Variants in ABCA12 observed in about 807,000 individuals in gnomAD.
The protein encoded by ABCA12 is glucosylceramide transporter ABCA12.
In ABCA12, 156 loss-of-function variants were observed where a neutral mutation model predicts 293.5. That is an observed-to-expected ratio of 0.53 (90% CI 0.47 to 0.61). ABCA12 has a LOEUF of 0.61. ABCA12 is among the 20% of genes least tolerant of loss of function. The probability of loss-of-function intolerance (pLI) is 0.00; values close to 1 mark genes in which losing one functional copy is unlikely to be tolerated. For synonymous variants in ABCA12, 1,063 were observed against 1,108.0 expected, an observed-to-expected ratio of 0.96 and a Z score of 0.81; for missense variants, 2,797 against 3,090.2, an observed-to-expected ratio of 0.91 and a Z score of 2.25.
intron 2 of ABCA12, chr2:215,085,623 C>A (rs1575034082): frequency 6.6e-6 from 1 of 152,204 alleles, no homozygotes; most frequent in Admixed American, 6.5e-5. Flanking sequence ...ATACATGTAA[C>A]AATTCTGCCT....
At chr2:215,086,222 A>C (rs774305140) in intron 2 of ABCA12, among the ~76,000 whole-genome samples, 13 of 152,226 alleles carry the variant, frequency 8.5e-5, no homozygotes, top group Non-Finnish European at 1.6e-4. Flanking sequence ...TACATTAGTC[A>C]ATTTTAACCT....
chr2:214,942,763 A>G (rs1361595329), intron 50 of ABCA12, among the ~76,000 whole-genome samples, 162 bp downstream of exon 50: 3 of 152,220 alleles, frequency 2.0e-5, no homozygotes, highest in African/African-American at 7.2e-5. Flanking sequence ...AATCCCCAAT[A>G]AAATAATTTA....
chr2:214,992,338 G>A (rs1318149032), intron 23 of ABCA12, among the ~76,000 whole-genome samples: 2 of 151,108 alleles, frequency 1.3e-5, no homozygotes, highest in South Asian at 2.1e-4. Context: ...AGCTACTCAG[G>A]AGGCTGAGGC....
chr2:215,081,490 AAAG>A, intron 2 of ABCA12, among the ~76,000 whole-genome samples: 3 of 100,300 alleles, frequency 3.0e-5, no homozygotes, highest in African/African-American at 1.4e-4. Flanking sequence ...AAAAAAAAAA[AAAG>A]AAAAAGAAAA....
intron 41 of ABCA12, 21 bp from the exon 42 acceptor site, chr2:214,956,799 A>C: frequency 6.6e-7 from 1 of 1,508,588 alleles, no homozygotes; most frequent in Non-Finnish European, 9.2e-7. Context: ...ATTCAAAACA[A>C]TGTTTAATAC....
intron 2 of ABCA12, chr2:215,075,681 C>A: frequency 1.6e-6 from 1 of 616,036 alleles, no homozygotes; most frequent in Non-Finnish European, 2.9e-6. Flanking sequence ...GTTTGGAAAT[C>A]AAAATATAAT....
At chr2:215,013,843 G>C (rs1355307473) in intron 15 of ABCA12, among the ~76,000 whole-genome samples, 7 of 152,176 alleles carry the variant, frequency 4.6e-5, no homozygotes, top group Admixed American at 4.6e-4. Flanking sequence ...TGAACAAAGA[G>C]GCCCTTGTGG....
At chr2:214,959,702 T>C (rs186646187) in intron 39 of ABCA12, among the ~76,000 whole-genome samples, 142 of 152,250 alleles carry the variant, frequency 9.3e-4, no homozygotes, top group African/African-American at 3.1e-3. Context: ...TTCAGAGATA[T>C]TAGCTGGCTT....
intron 45 of ABCA12, among the ~76,000 whole-genome samples, chr2:214,949,747 G>A (rs956554730): frequency 2.6e-5 from 4 of 152,084 alleles, no homozygotes; most frequent in African/African-American, 9.7e-5. Flanking sequence ...TCTTTATGAT[G>A]TTTTTTGGGG....
chr2:215,109,654 G>T (rs949774055), intron 2 of ABCA12, among the ~76,000 whole-genome samples: 16 of 152,090 alleles, frequency 1.1e-4, no homozygotes, highest in Admixed American at 6.5e-4. Context: ...GGCCTAAGAG[G>T]CACATATCAC....
intron 51 of ABCA12, among the ~76,000 whole-genome samples, chr2:214,936,938 G>GAAAA (rs10656386): frequency 0.027 from 4,021 of 147,740 alleles, 199 homozygotes; most frequent in African/African-American, 0.094. Flanking sequence ...CCTTTGTGAG[G>GAAAA]AAAAAAAAAA....
chr2:215,037,288 A>C lies in ABCA12; in HGVS notation c.873-223T>G, dbSNP rs1392057370. On this transcript the variant is annotated intron_variant, in intron 7 of 52. Coordinates refer to ENST00000272895, the MANE Select transcript of ABCA12 (RefSeq NM_173076.3). ...GCAGTTTATGTTTCTAGGTTTCTAA[A>C]ACATCAGGAATCACCAGCCTTAAAG... Among the ~76,000 whole-genome samples, 3 of 152,208 alleles carry C rather than the reference A, an allele frequency of 2.0e-5. No individual in the cohort carries two copies. The East Asian group carries it at 5.8e-4, about 29-fold the overall frequency.
Position 214,971,545 on chromosome 2 carries a change from G to A in ABCA12, c.5563-1145C>T, listed in dbSNP as rs111648831. Among the ~76,000 whole-genome samples, 896 of 152,130 alleles carry A rather than the reference G, an allele frequency of 5.9e-3. 4 individuals carry two copies. Among genetic ancestry groups the A allele is most frequent in the Non-Finnish European group, 9.4e-3 (641 of 68,010 alleles). On this transcript the variant is annotated intron_variant, in intron 36 of 52. Transcript: ENST00000272895. The stretch of plus-strand genomic sequence containing the variant: ...TCACTCCCAAAGTAACAGACACAGC[G>A]TAGTTTTGCCTATTTTTATATTTTA...
At chr2:215,048,635 G>A (rs950666044) in intron 6 of ABCA12, among the ~76,000 whole-genome samples, 5 of 152,092 alleles carry the variant, frequency 3.3e-5, no homozygotes, top group South Asian at 2.1e-4. Flanking sequence ...CCCAGGAGGC[G>A]GAGGTTTCAG....
At chr2:214,941,997 T>C (rs1341938267) in intron 50 of ABCA12, among the ~76,000 whole-genome samples, 1 of 152,190 alleles carries the variant, frequency 6.6e-6, no homozygotes, top group African/African-American at 2.4e-5. Flanking sequence ...GATCCTGTCA[T>C]TATGACGCTA....
chr2:215,045,971 T>C lies in ABCA12; in HGVS notation c.738A>G (p.Ile246Met). ...GTGAGAAGAAAGACAGCATTCTGAC[T>C]ATTTCCTGAAACACTATCTTCTGAT... ...PNNQKIVFQE[I>M]VRMLSFFSQV... The change falls in exon 7 of 53, where the codon ATA (isoleucine) becomes ATG (methionine). Residue 246 changes from isoleucine (I) to methionine (M), a missense_variant. By Grantham distance (10) the Ile-to-Met change is conservative (BLOSUM62 1). This residue lies in a region of ABCA12 where 656 missense variants were observed against 638.2 expected (regional missense o/e 1.03). Transcript: ENST00000272895. 6.2e-7 allele frequency: 1 copy of C among 1,613,764 alleles called. No individual in the cohort carries two copies. The highest frequency in any genetic ancestry group is 1.1e-5 in the South Asian group (1 of 91,066).
intron 19 of ABCA12, among the ~76,000 whole-genome samples, chr2:215,006,113 TA>T (rs1700247884): frequency 6.6e-6 from 1 of 152,218 alleles, no homozygotes; most frequent in African/African-American, 2.4e-5. Context: ...ATGATCCCTT[TA>T]TGAACACAAT....
At chr2:214,948,792 G>C (rs554702915) in intron 46 of ABCA12, 55 bp from the exon 47 acceptor site, 5 of 1,608,676 alleles carry the variant, frequency 3.1e-6, no homozygotes, top group Non-Finnish European at 3.4e-6. Context: ...ATCCCTCCTG[G>C]TTCCCAAATG....
intron 27 of ABCA12, 131 bp from the exon 28 acceptor site, chr2:214,986,859 C>T (rs1018027046): frequency 1.1e-6 from 1 of 872,320 alleles, no homozygotes; most frequent in Non-Finnish European, 1.8e-6. Flanking sequence ...AATCCAGAAA[C>T]AAATGATTTA....
Sources: gnomAD v4.1 joint callset for allele counts (sites outside exome capture counted in the v4.1 genomes callset) on GRCh38, gnomAD v4.1.1 for gene constraint, gnomAD v4.1.1 regional missense constraint, MANE v1.5 for transcripts, NCBI Gene and HGNC (gene_info 2026-07-23, HGNC 2026-07-21) for gene names.